Variants in SCFD2 observed in about 807,000 individuals in gnomAD.
SCFD2 encodes sec1 family domain-containing protein 2.
SCFD2 carries 54 observed loss-of-function variants against 58.9 expected under a neutral mutation model. The observed-to-expected ratio is 0.92, with a 90% CI of 0.74 to 1.15. SCFD2 has a LOEUF of 1.15. SCFD2 is among the 50% of genes most tolerant of loss of function. SCFD2 has a pLI of 0.00. For synonymous variants in SCFD2, 321 were observed against 335.9 expected (o/e 0.96, Z 0.49); for missense variants, 805 against 836.6 (o/e 0.96, Z 0.47).
At chr4:53,347,061 TAC>T (rs777661484) in intron 2 of SCFD2, among the ~76,000 whole-genome samples, 22 of 152,226 alleles carry the variant, frequency 1.4e-4, no homozygotes, top group Admixed American at 7.2e-4. Context: ...AGCACTCCAC[TAC>T]AGAGGCAGCT....
intron 3 of SCFD2, among the ~76,000 whole-genome samples, chr4:53,276,318 A>G (rs1731326303): frequency 6.6e-6 from 1 of 152,152 alleles, no homozygotes; most frequent in South Asian, 2.1e-4. Context: ...GGTACGTTAA[A>G]AAGTGGAAAA....
intron 4 of SCFD2, among the ~76,000 whole-genome samples, chr4:53,153,061 A>C (rs542012646): frequency 1.1e-4 from 16 of 152,298 alleles, no homozygotes; most frequent in African/African-American, 3.6e-4. Context: ...CAGCTTTTCC[A>C]AGCTCCGGAT....
intron 5 of SCFD2, among the ~76,000 whole-genome samples, chr4:53,139,828 T>G (rs1255115859): frequency 6.6e-6 from 1 of 152,186 alleles, no homozygotes; most frequent in African/African-American, 2.4e-5. Flanking sequence ...TGGAAAGAAT[T>G]AGACATAGGA....
chr4:52,946,387 G>C (rs1056600894), intron 5 of SCFD2, among the ~76,000 whole-genome samples: 3 of 151,906 alleles, frequency 2.0e-5, no homozygotes, highest in African/African-American at 7.3e-5. Flanking sequence ...ATAGGAAATG[G>C]CATGTTTCAA....
chr4:53,232,725 C>A (rs1282168713), intron 4 of SCFD2, among the ~76,000 whole-genome samples: 7 of 152,166 alleles, frequency 4.6e-5, no homozygotes, highest in Non-Finnish European at 1.0e-4. Flanking sequence ...TAAAGTATGT[C>A]CATCTTTAGG....
intron 2 of SCFD2, among the ~76,000 whole-genome samples, chr4:53,318,129 C>A (rs187103379): frequency 1.3e-5 from 2 of 152,282 alleles, no homozygotes; most frequent in East Asian, 3.9e-4. Flanking sequence ...CCAATGCAAG[C>A]AATCTCCTTA....
intron 7 of SCFD2, among the ~76,000 whole-genome samples, chr4:52,887,896 C>CTTTTTT (rs71195133): frequency 6.4e-3 from 520 of 81,668 alleles, no homozygotes; most frequent in Middle Eastern, 0.026. Flanking sequence ...ACATCTTATT[C>CTTTTTT]TTTTTTTTTT....
intron 5 of SCFD2, among the ~76,000 whole-genome samples, chr4:53,134,227 T>C (rs1314352761): frequency 6.6e-6 from 1 of 152,176 alleles, no homozygotes. Flanking sequence ...GTTTCAGGTA[T>C]GTAAGGTGAA....
chr4:53,254,810 A>G (rs538971952), intron 4 of SCFD2, among the ~76,000 whole-genome samples: 1 of 10,600 alleles, frequency 9.4e-5, no homozygotes, highest in African/African-American at 5.6e-4. Flanking sequence ...TTATTTTTTT[A>G]TTTTATTTTA....
chr4:53,292,665 C>G (rs1394372714), intron 3 of SCFD2, among the ~76,000 whole-genome samples: 1 of 152,092 alleles, frequency 6.6e-6, no homozygotes, highest in Admixed American at 6.6e-5. Context: ...GACCTAGAAC[C>G]AGAAATACCA....
chr4:53,011,631 CT>C (rs1333367798), intron 5 of SCFD2, among the ~76,000 whole-genome samples: 12 of 152,208 alleles, frequency 7.9e-5, no homozygotes, highest in Admixed American at 5.2e-4. Flanking sequence ...GAGGCACTGG[CT>C]CCTTAAATAA....
chr4:53,183,423 T>G (rs1231774869), intron 4 of SCFD2, among the ~76,000 whole-genome samples: 1 of 152,074 alleles, frequency 6.6e-6, no homozygotes, highest in Non-Finnish European at 1.5e-5. Context: ...AAACACCGCA[T>G]GTTCTCACTC....
At chr4:52,877,087 T>C (rs1718491795) in intron 8 of SCFD2, among the ~76,000 whole-genome samples, 1 of 152,108 alleles carries the variant, frequency 6.6e-6, no homozygotes, top group Admixed American at 6.5e-5. Context: ...AGGCTAAAAG[T>C]GTTGACTTCC....
chr4:52,922,282 C>A (rs955045208), intron 5 of SCFD2, among the ~76,000 whole-genome samples: 1 of 152,082 alleles, frequency 6.6e-6, no homozygotes, highest in Non-Finnish European at 1.5e-5. Context: ...CCATCATCAC[C>A]ACCACAATTT....
At position 52,980,013 on chromosome 4, in the gene SCFD2, C is replaced by T. The variant is rs140451064; in HGVS notation, c.1562-59143G>A. On this transcript the variant is annotated intron_variant, in intron 5 of 8. Transcript: ENST00000401642. ...ATTGCACAGCACAGGTCCAAGGGGG[C>T]ACTGTGTCATTTACACTGACTACAA... 2.2e-4 allele frequency among the ~76,000 whole-genome samples: 34 copies of T among 152,292 alleles called. No homozygotes were observed. The Middle Eastern group carries it at 0.01, about 46-fold the overall frequency.
At chr4:53,304,998 G>A (rs879534551) in intron 3 of SCFD2, among the ~76,000 whole-genome samples, 4 of 151,854 alleles carry the variant, frequency 2.6e-5, no homozygotes, top group Admixed American at 2.0e-4. Flanking sequence ...GGTGACCTTC[G>A]GCTGGGGTCT....
rs1177338682 is a variant in SCFD2, at chr4:53,352,712, G to A, written c.893C>T (p.Pro298Leu). The change falls in exon 2 of 9, where the codon CCC (proline) becomes CTC (leucine). Residue 298 changes from proline to leucine, a missense_variant. Transcript: ENST00000401642. ...NLVEKIISAL[P>L]QLPGHTNDVM... The stretch of plus-strand genomic sequence containing the variant: ...ATCATTTGTGTGGCCTGGGAGCTGG[G>A]GAAGTGCTGAAATGATCTTCTCTAC... 4 of 1,614,052 alleles carry A rather than the reference G, an allele frequency of 2.5e-6. No homozygotes were observed. The South Asian group carries it at 4.4e-5, about 18-fold the overall frequency.
chr4:52,909,787 T>G (rs1452235258), intron 6 of SCFD2, among the ~76,000 whole-genome samples: 1 of 152,164 alleles, frequency 6.6e-6, no homozygotes, highest in Non-Finnish European at 1.5e-5. Context: ...ATTTATTTTA[T>G]TTTTCCAGAT....
intron 5 of SCFD2, chr4:52,956,684 T>TG (rs1720720427): frequency 6.0e-6 from 1 of 167,358 alleles, no homozygotes. Flanking sequence ...GAAAGCCAAA[T>TG]GGCCCAGTCC....
Sources: gnomAD v4.1 joint callset for allele counts (sites outside exome capture counted in the v4.1 genomes callset) on GRCh38, gnomAD v4.1.1 for gene constraint, MANE v1.5 for transcripts, NCBI Gene and HGNC (gene_info 2026-07-23, HGNC 2026-07-21) for gene names.